The following LY96 variants were observed in gnomAD, a reference collection of about 807,000 sequenced individuals.
The protein encoded by LY96 is lymphocyte antigen 96.
A neutral mutation model predicts 18.9 loss-of-function variants in LY96; 18 were observed. That is an observed-to-expected ratio of 0.95 (90% CI 0.66 to 1.41). The LOEUF (loss-of-function observed/expected upper bound fraction) is 1.41. LY96 is among the 40% of genes most tolerant of loss of function. LY96 has a pLI of 0.00. For synonymous variants in LY96, 66 were observed against 62.6 expected (o/e 1.06, Z -0.26); for missense variants, 175 against 182.4 (o/e 0.96, Z 0.23).
intron 2 of LY96, among the ~76,000 whole-genome samples, chr8:74,009,397 A>G (rs981704178): frequency 1.9e-3 from 283 of 145,688 alleles, no homozygotes; most frequent in Non-Finnish European, 2.9e-3. Flanking sequence ...AAAAAAAAAA[A>G]AAGAAGAAAA....
intron 3 of LY96, among the ~76,000 whole-genome samples, chr8:74,018,774 A>C (rs200868383): frequency 1.3e-5 from 2 of 152,186 alleles, no homozygotes; most frequent in African/African-American, 2.4e-5. Context: ...GAAACTCACT[A>C]AAAACTACAC....
chr8:74,042,981 T>A, the LY96 span, among the ~76,000 whole-genome samples: 2 of 152,088 alleles, frequency 1.3e-5, no homozygotes, highest in Non-Finnish European at 2.9e-5. Context: ...TTCCCCATGT[T>A]GGCCAGGATG....
At chr8:74,029,404 CAT>C (rs546823550), downstream of LY96, among the ~76,000 whole-genome samples, 22 of 152,158 alleles carry the variant, frequency 1.4e-4, no homozygotes, top group Non-Finnish European at 2.6e-4. Context: ...ATAATCCCCA[CAT>C]GTCATGGGGG....
intron 3 of LY96, among the ~76,000 whole-genome samples, chr8:74,018,534 G>C (rs941509224): frequency 6.6e-6 from 1 of 152,150 alleles, no homozygotes; most frequent in Non-Finnish European, 1.5e-5. Context: ...GGTTAACAAG[G>C]ATATCCAGGA....
At chr8:74,050,986 G>A in the LY96 span, among the ~76,000 whole-genome samples, 7 of 152,154 alleles carry the variant, frequency 4.6e-5, no homozygotes, top group South Asian at 2.1e-4. Flanking sequence ...TCGTGCCACC[G>A]CACTCCAGCC....
chr8:74,009,590 C>T (rs1009887572), intron 2 of LY96, among the ~76,000 whole-genome samples: 1 of 152,066 alleles, frequency 6.6e-6, no homozygotes, highest in Admixed American at 6.6e-5. Flanking sequence ...CTATTTTATT[C>T]TCAAGAAATC....
intron 3 of LY96, among the ~76,000 whole-genome samples, chr8:74,015,683 A>G (rs1816626785): frequency 6.6e-6 from 1 of 152,170 alleles, no homozygotes; most frequent in Non-Finnish European, 1.5e-5. Context: ...AATGTACAAT[A>G]CCATCTGAGG....
At chr8:73,995,657 G>A (rs1181217870) in intron 1 of LY96, among the ~76,000 whole-genome samples, 1 of 152,130 alleles carries the variant, frequency 6.6e-6, no homozygotes, top group East Asian at 1.9e-4. Context: ...GTGGGTGTGT[G>A]AGTTGGTTCC....
At chr8:74,057,269 C>G in the LY96 span, among the ~76,000 whole-genome samples, 22 of 152,236 alleles carry the variant, frequency 1.4e-4, no homozygotes, top group African/African-American at 5.1e-4. Context: ...GGGAAGTGCT[C>G]CTACCTTTGA....
At chr8:74,019,659 A>G (rs1056197139) in intron 3 of LY96, among the ~76,000 whole-genome samples, 2 of 152,162 alleles carry the variant, frequency 1.3e-5, no homozygotes, top group Non-Finnish European at 2.9e-5. Flanking sequence ...AACATCGATG[A>G]GAAAATCCTC....
At chr8:74,093,813 A>T in the LY96 span, among the ~76,000 whole-genome samples, 2 of 152,206 alleles carry the variant, frequency 1.3e-5, no homozygotes, top group African/African-American at 4.8e-5. Flanking sequence ...ACAACTCAAC[A>T]TCTAAAAATA....
intron 3 of LY96, among the ~76,000 whole-genome samples, chr8:74,024,868 C>A (rs937095856): frequency 6.6e-6 from 1 of 152,156 alleles, no homozygotes; most frequent in African/African-American, 2.4e-5. Context: ...CTCCCTGTCA[C>A]CCAGGCTGGA....
intron 1 of LY96, among the ~76,000 whole-genome samples, chr8:74,002,012 TTCCTTCCTTCCTTC>T (rs1563710571): frequency 1.2e-3 from 12 of 9,816 alleles, no homozygotes; most frequent in South Asian, 6.8e-3. Flanking sequence ...CCTTTCTTCC[TTCCTTCCTTCCTTC>T]CTTCCTTCCT....
chr8:74,059,328 C>T, the LY96 span, among the ~76,000 whole-genome samples: 2 of 152,158 alleles, frequency 1.3e-5, no homozygotes, highest in Non-Finnish European at 2.9e-5. Context: ...GAATTTAATG[C>T]AGTTCTAATA....
At chr8:74,071,249 C>CTT in the LY96 span, among the ~76,000 whole-genome samples, 30 of 137,380 alleles carry the variant, frequency 2.2e-4, no homozygotes, top group South Asian at 5.8e-3. Flanking sequence ...CTTACAAGGA[C>CTT]TTTTTTTTTT....
intron 3 of LY96, among the ~76,000 whole-genome samples, chr8:74,020,823 G>C (rs1816743431): frequency 6.6e-6 from 1 of 152,160 alleles, no homozygotes; most frequent in African/African-American, 2.4e-5. Flanking sequence ...ATGGGGAAAG[G>C]ATTCCCTATT....
intron 3 of LY96, among the ~76,000 whole-genome samples, chr8:74,015,852 AG>A (rs1816630729): frequency 6.6e-6 from 1 of 152,172 alleles, no homozygotes; most frequent in South Asian, 2.1e-4. Context: ...ATGTGGGCAA[AG>A]CTTCAAGCTA....
rs1307381556 is a variant in LY96 at position 74,004,852 on chromosome 8, T to C, written c.169T>C (p.Ser57Pro). The C allele has an allele frequency of 6.3e-7, 1 of 1,591,500 alleles. No homozygotes were observed. Among genetic ancestry groups the C allele is most frequent in the Non-Finnish European group, 8.6e-7 (1 of 1,162,014 alleles). Residue 57 changes from serine (S) to proline (P), a missense_variant, in exon 2 of 5, where the codon TCC (serine) becomes CCC (proline). Physicochemically the swap from Ser to Pro is moderately conservative, Grantham distance 74 (BLOSUM62 -1). Transcript: ENST00000284818. ...TAACCCCTGTATAGAATTGAAAAGA[T>C]CCAAAGGATTATTGCACATTTTCTA... ...NVNPCIELKR[S>P]KGLLHIFYIP...
At chr8:74,033,347 A>G (rs552777801), downstream of LY96, among the ~76,000 whole-genome samples, 10 of 152,354 alleles carry the variant, frequency 6.6e-5, no homozygotes, top group African/African-American at 2.4e-4. Context: ...ATTGGAAAAT[A>G]TAAGAAAAAT....
Sources: gnomAD v4.1 joint callset for allele counts (sites outside exome capture counted in the v4.1 genomes callset) on GRCh38, gnomAD v4.1.1 for gene constraint, MANE v1.5 for transcripts, NCBI Gene and HGNC (gene_info 2026-07-23, HGNC 2026-07-21) for gene names.